FRK: variants seen among roughly 807,000 people sequenced by gnomAD.
FRK encodes tyrosine-protein kinase FRK.
A neutral mutation model predicts 56.4 loss-of-function variants in FRK; 51 were observed. The observed-to-expected ratio is 0.90, with a 90% CI of 0.72 to 1.14. The LOEUF is 1.14. Ranked by LOEUF, FRK falls within the 50% of genes most tolerant of loss-of-function variation. The pLI, the probability that FRK is intolerant of heterozygous loss-of-function variation, is 0.00. For missense variants in FRK, 570 were observed against 601.4 expected (o/e 0.95, Z 0.55); for synonymous variants, 245 against 217.9 (o/e 1.12, Z -1.10).
the FRK span, among the ~76,000 whole-genome samples, chr6:116,092,636 C>T: frequency 2.0e-5 from 3 of 152,284 alleles, no homozygotes; most frequent in Middle Eastern, 3.4e-3. Flanking sequence ...TCTGCTGCTG[C>T]GTCAGTGAGC....
At chr6:115,956,732 C>A in intron 4 of FRK, 122 bp from the exon 5 acceptor site, 24 of 705,906 alleles carry the variant, frequency 3.4e-5, no homozygotes, top group Non-Finnish European at 5.1e-5. Context: ...CTCAGTATCA[C>A]AAATCTTCAG....
the FRK span, among the ~76,000 whole-genome samples, chr6:116,075,802 T>C: frequency 6.6e-6 from 1 of 152,134 alleles, no homozygotes; most frequent in East Asian, 1.9e-4. Flanking sequence ...ACTTTACAGG[T>C]GCTCAAAGAA....
At chr6:115,957,131 ATC>A (rs1773031068) in intron 4 of FRK, among the ~76,000 whole-genome samples, 1 of 152,298 alleles carries the variant, frequency 6.6e-6, no homozygotes, top group Admixed American at 6.5e-5. Flanking sequence ...ATCCAAGACC[ATC>A]CCCAAAAGTT....
intron 5 of FRK, among the ~76,000 whole-genome samples, chr6:115,944,936 A>G (rs1353358994): frequency 6.6e-6 from 1 of 151,990 alleles, no homozygotes; most frequent in Non-Finnish European, 1.5e-5. Context: ...GGGTGAACAT[A>G]GCTCCCACTT....
intron 2 of FRK, among the ~76,000 whole-genome samples, chr6:115,992,553 GA>G (rs928113515): frequency 1.3e-5 from 2 of 150,630 alleles, no homozygotes; most frequent in Non-Finnish European, 3.0e-5. Flanking sequence ...TTGAGGCCAG[GA>G]AAAAAAACAG....
At chr6:115,952,770 C>T (rs370611364) in intron 5 of FRK, among the ~76,000 whole-genome samples, 2 of 151,896 alleles carry the variant, frequency 1.3e-5, no homozygotes, top group Non-Finnish European at 2.9e-5. Context: ...ATGTCCTTTG[C>T]AGGGACATGG....
chr6:115,943,641 G>A (rs1281535063), intron 6 of FRK, among the ~76,000 whole-genome samples: 1 of 151,872 alleles, frequency 6.6e-6, no homozygotes, highest in African/African-American at 2.4e-5. Flanking sequence ...ACTCACTGGG[G>A]TACTAATTAA....
chr6:115,972,553 T>C (rs1396503105), intron 2 of FRK, among the ~76,000 whole-genome samples: 1 of 152,174 alleles, frequency 6.6e-6, no homozygotes, highest in Non-Finnish European at 1.5e-5. Context: ...ATCAGCAAAT[T>C]CTTCCTCCAT....
At chr6:116,013,470 A>G (rs1391937405) in intron 1 of FRK, among the ~76,000 whole-genome samples, 1 of 152,146 alleles carries the variant, frequency 6.6e-6, no homozygotes, top group Non-Finnish European at 1.5e-5. Flanking sequence ...ATCTGCTTTG[A>G]TTTTGTACAA....
the FRK span, among the ~76,000 whole-genome samples, chr6:116,075,482 A>AC: frequency 6.6e-6 from 1 of 151,384 alleles, no homozygotes; most frequent in Non-Finnish European, 1.5e-5. Context: ...AAAAAAAAAA[A>AC]ACCTGGAACT....
the FRK span, among the ~76,000 whole-genome samples, chr6:116,075,119 T>G: frequency 6.6e-6 from 1 of 152,132 alleles, no homozygotes; most frequent in East Asian, 1.9e-4. Context: ...AACTCTTCTC[T>G]CCTTTTGGAA....
chr6:116,029,113 G>A (rs541485658), intron 1 of FRK, among the ~76,000 whole-genome samples: 9 of 151,960 alleles, frequency 5.9e-5, no homozygotes, highest in Non-Finnish European at 1.3e-4. Context: ...CCTCTGCCTG[G>A]AACGCTCTTC....
At chr6:115,942,683 C>G (rs1005229120) in intron 7 of FRK, 58 bp from the exon 8 acceptor site, 3 of 1,446,662 alleles carry the variant, frequency 2.1e-6, no homozygotes, top group Non-Finnish European at 2.9e-6. Context: ...AGGTCAGAGT[C>G]TTAAACTTAT....
At chr6:116,052,095 C>T (rs185837241) in intron 1 of FRK, among the ~76,000 whole-genome samples, 95 of 152,156 alleles carry the variant, frequency 6.2e-4, no homozygotes, top group Non-Finnish European at 8.4e-4. Flanking sequence ...GATTTTTAGA[C>T]GCCATTTCAA....
intron 2 of FRK, among the ~76,000 whole-genome samples, chr6:115,985,291 G>GCT (rs1774349629): frequency 6.6e-6 from 1 of 152,110 alleles, no homozygotes. Context: ...CCTTTCATGA[G>GCT]CTCTCTTTGG....
intron 1 of FRK, among the ~76,000 whole-genome samples, chr6:116,044,632 G>A (rs188230211): frequency 2.6e-5 from 4 of 152,268 alleles, no homozygotes; most frequent in East Asian, 1.9e-4. Flanking sequence ...ATATCATACT[G>A]AACGGGCAAA....
intron 1 of FRK, among the ~76,000 whole-genome samples, chr6:116,035,248 T>G (rs1052249140): frequency 6.6e-6 from 1 of 152,018 alleles, no homozygotes; most frequent in Non-Finnish European, 1.5e-5. Flanking sequence ...CTGCTTGGCC[T>G]TCCAAGAAGA....
At chr6:116,089,778 C>T in the FRK span, among the ~76,000 whole-genome samples, 1 of 152,138 alleles carries the variant, frequency 6.6e-6, no homozygotes, top group Non-Finnish European at 1.5e-5. Flanking sequence ...CACCAAGTAT[C>T]ATCACATTCT....
intron 2 of FRK, among the ~76,000 whole-genome samples, chr6:115,992,230 G>C (rs550866214): frequency 3.4e-4 from 52 of 151,610 alleles, no homozygotes; most frequent in African/African-American, 1.2e-3. Context: ...TTTTCCATTT[G>C]CTTTTACTCT....
Sources: allele counts gnomAD v4.1 joint callset (sites outside exome capture counted in the v4.1 genomes callset), GRCh38; gene constraint gnomAD v4.1.1; transcripts MANE v1.5; gene names NCBI Gene and HGNC (gene_info 2026-07-23, HGNC 2026-07-21).